The following DOCK9 variants were observed in gnomAD, a reference collection of about 807,000 sequenced individuals.
The protein encoded by DOCK9 is dedicator of cytokinesis 9.
DOCK9 carries 89 observed loss-of-function variants against 263.3 expected under a neutral mutation model. The observed-to-expected ratio is 0.34, with a 90% CI of 0.28 to 0.40. The LOEUF (loss-of-function observed/expected upper bound fraction) is 0.40, where lower values mean the gene tolerates loss of function less well. DOCK9 is among the 10% of genes least tolerant of loss of function. The probability of loss-of-function intolerance (pLI) is 1.00; values close to 1 mark genes in which losing one functional copy is unlikely to be tolerated. For missense variants in DOCK9, 2,140 were observed against 2,603.4 expected (o/e 0.82, Z 3.87); for synonymous variants, 976 against 973.1 (o/e 1.00, Z -0.06).
chr13:98,907,238 C>T (rs1441331235), intron 9 of DOCK9, among the ~76,000 whole-genome samples: 2 of 152,214 alleles, frequency 1.3e-5, no homozygotes, highest in Admixed American at 6.5e-5. Flanking sequence ...GTGCTGCAAG[C>T]CACCACCAAC....
intron 1 of DOCK9, among the ~76,000 whole-genome samples, chr13:98,991,459 G>A (rs1006607649): frequency 6.6e-6 from 1 of 152,126 alleles, no homozygotes; most frequent in Non-Finnish European, 1.5e-5. Context: ...GGGGCTACTC[G>A]AGATTTGCCT....
rs1304736605 is a variant in DOCK9 at position 98,889,880 on chromosome 13, A to G, written c.1710-1169T>C. On this transcript the variant is annotated intron_variant, in intron 15 of 52. Coordinates refer to ENST00000682017, the MANE Select transcript of DOCK9 (RefSeq NM_001366683.2). ...GTGCACAGCCTCTGTCTGGTTTTCA[A>G]CAATATACCTGTCTATTAACACAGC... Among the ~76,000 whole-genome samples, 6 of 152,324 alleles carry G rather than the reference A, an allele frequency of 3.9e-5. No homozygotes were observed. The East Asian group carries it at 9.6e-4, about 24-fold the overall frequency.
In DOCK9 at chr13:98,930,086, G is replaced by A. The variant is rs1566996803; in HGVS notation, c.333+82C>T. 8.7e-6 allele frequency: 11 copies of A among 1,270,248 alleles called. No homozygotes were observed. In the African/African-American group the frequency reaches 1.6e-4, roughly 19 times the overall value. The allele number at this position is 1,270,248 out of a possible 1,614,324, so 78.7% of individuals were successfully genotyped here. A position where few individuals can be genotyped will look rare whatever the true frequency, so the allele number is the denominator to read the frequency against. On this transcript the variant is annotated intron_variant, in intron 3 of 52. Transcript: ENST00000682017. ...ACAATTACCCTTTTGACACTTCCTT[G>A]ACAATTTTGAAATTTAAAGAAAAGG...
At chr13:98,905,415 AG>A (rs762541834) in intron 9 of DOCK9, among the ~76,000 whole-genome samples, 1 of 152,172 alleles carries the variant, frequency 6.6e-6, no homozygotes, top group African/African-American at 2.4e-5. Context: ...GACTTGGACT[AG>A]GGGGTGGTCG....
At chr13:98,925,693 G>A in intron 4 of DOCK9, 144 bp downstream of exon 4, 1 of 507,206 alleles carries the variant, frequency 2.0e-6, no homozygotes, top group Non-Finnish European at 3.4e-6. Flanking sequence ...CAAAGGCCCT[G>A]TAAACAATAG....
At chr13:99,059,533 C>T (rs2041087280) in intron 1 of DOCK9, among the ~76,000 whole-genome samples, 1 of 152,156 alleles carries the variant, frequency 6.6e-6, no homozygotes, top group Non-Finnish European at 1.5e-5. Context: ...CAGTCCCTTC[C>T]AAGCCAACTC....
intron 36 of DOCK9, among the ~76,000 whole-genome samples, chr13:98,849,773 T>C (rs1023108663): frequency 1.3e-5 from 2 of 152,210 alleles, no homozygotes; most frequent in Non-Finnish European, 2.9e-5. Context: ...AGCTAATAAA[T>C]TTCATGTTAT....
At chr13:98,998,024 A>C (rs547702657) in intron 1 of DOCK9, among the ~76,000 whole-genome samples, 3 of 152,324 alleles carry the variant, frequency 2.0e-5, no homozygotes, top group African/African-American at 7.2e-5. Context: ...CAAACCACAG[A>C]AACATCTCCA....
chr13:98,937,054 A>C (rs1362838630), intron 2 of DOCK9, among the ~76,000 whole-genome samples: 1 of 152,224 alleles, frequency 6.6e-6, no homozygotes, highest in Non-Finnish European at 1.5e-5. Flanking sequence ...TTCTGCTAAA[A>C]GATAGGTCTA....
intron 33 of DOCK9, chr13:98,857,415 A>C (rs56033841): frequency 0.034 from 5,137 of 152,308 alleles, 133 homozygotes; most frequent in Middle Eastern, 0.088. Context: ...CAGCCTCCCA[A>C]GTAGCTGTGA....
chr13:98,810,069 G>A, intron 46 of DOCK9, 100 bp downstream of exon 46: 1 of 1,525,336 alleles, frequency 6.6e-7, no homozygotes, highest in Non-Finnish European at 8.9e-7. Flanking sequence ...ACTCATCTCT[G>A]GCCCATGGCC....
At chr13:98,817,774 T>TA (rs34195275) in intron 45 of DOCK9, among the ~76,000 whole-genome samples, 7,941 of 115,298 alleles carry the variant, frequency 0.069, 460 homozygotes, top group African/African-American at 0.17. Context: ...TTATATTTGC[T>TA]AAAAAAAAAA....
chr13:98,943,392 A>G (rs1208330022), intron 2 of DOCK9, among the ~76,000 whole-genome samples: 1 of 152,256 alleles, frequency 6.6e-6, no homozygotes, highest in Admixed American at 6.5e-5. Context: ...AGAAAAAGGC[A>G]GAGATACAGA....
chr13:98,963,168 C>A (rs1328584070), intron 1 of DOCK9, among the ~76,000 whole-genome samples: 4 of 152,186 alleles, frequency 2.6e-5, no homozygotes, highest in African/African-American at 9.7e-5. Flanking sequence ...CACTTCCCTA[C>A]ACCTCCCATG....
rs2092487505 is a variant in DOCK9 at position 98,825,470 on chromosome 13, G to C, written c.5024-966C>G. On this transcript the variant is annotated intron_variant, in intron 44 of 52. Coordinates refer to ENST00000682017, the MANE Select transcript of DOCK9 (RefSeq NM_001366683.2). The surrounding 1 kb of genome is among the most constrained non-coding windows in gnomAD (Gnocchi z 4.1). The stretch of plus-strand genomic sequence containing the variant: ...ATTTTTCTGCTGCACATGATCCCAG[G>C]TTTCTACACTATTCATGGATTATCC... 6.6e-6 allele frequency among the ~76,000 whole-genome samples: 1 copy of C among 152,122 alleles called. No individual in the cohort carries two copies. Among genetic ancestry groups the C allele is most frequent in the Non-Finnish European group, 1.5e-5 (1 of 68,034 alleles).
chr13:99,036,773 C>G (rs926227252), intron 1 of DOCK9, among the ~76,000 whole-genome samples: 6 of 152,158 alleles, frequency 3.9e-5, no homozygotes, highest in African/African-American at 1.4e-4. Context: ...CTTCTGACCT[C>G]GTGATCCGCC....
At chr13:98,909,998 C>T (rs1325373735) in intron 9 of DOCK9, among the ~76,000 whole-genome samples, 1 of 152,190 alleles carries the variant, frequency 6.6e-6, no homozygotes, top group East Asian at 1.9e-4. Context: ...AGAAATTCTA[C>T]TTCTCTTTCA....
At chr13:98,941,330 A>C (rs1403945420) in intron 2 of DOCK9, among the ~76,000 whole-genome samples, 1 of 152,190 alleles carries the variant, frequency 6.6e-6, no homozygotes. Context: ...TGAGGTTCCA[A>C]ATGAGACAGC....
intron 13 of DOCK9, among the ~76,000 whole-genome samples, chr13:98,900,829 T>G (rs2048159812): frequency 6.6e-6 from 1 of 152,186 alleles, no homozygotes; most frequent in Admixed American, 6.5e-5. Context: ...CCATCGTGCA[T>G]CCTGTGGACA....
Sources: allele counts gnomAD v4.1 joint callset (sites outside exome capture counted in the v4.1 genomes callset), GRCh38; gene constraint gnomAD v4.1.1; non-coding constraint Gnocchi (gnomAD v3.1); transcripts MANE v1.5; gene names NCBI Gene and HGNC (gene_info 2026-07-23, HGNC 2026-07-21).